Variants in C2CD3 observed in about 807,000 individuals in gnomAD.
C2CD3 encodes the protein C2 domain containing 3 centriole elongation regulator, also known as C2 domain-containing protein 3.
Under a neutral mutation model 234.0 loss-of-function variants are expected in C2CD3, and 148 were observed. That is an observed-to-expected ratio of 0.63 (90% CI 0.55 to 0.72). The LOEUF (loss-of-function observed/expected upper bound fraction) is 0.72, where lower values mean the gene tolerates loss of function less well. C2CD3 is among the 30% of genes least tolerant of loss of function. C2CD3 has a pLI of 0.00. For synonymous variants in C2CD3, 1,000 were observed against 1,035.4 expected, an observed-to-expected ratio of 0.97 and a Z score of 0.66; for missense variants, 2,577 against 2,811.5, an observed-to-expected ratio of 0.92 and a Z score of 1.89.
At chr11:74,028,468 A>G in intron 31 of C2CD3, 70 bp from the exon 32 acceptor site, 1 of 907,696 alleles carries the variant, frequency 1.1e-6, no homozygotes, top group Non-Finnish European at 1.7e-6. Context: ...CAGCATCTCC[A>G]CTGACCATTC....
chr11:74,049,531 C>A lies in C2CD3; in HGVS notation c.5167G>T (p.Val1723Leu). 1 of 1,612,056 alleles carries A rather than the reference C, an allele frequency of 6.2e-7. No individual in the cohort carries two copies. The highest frequency in any genetic ancestry group is 8.5e-7 in the Non-Finnish European group (1 of 1,179,808). The stretch of plus-strand genomic sequence containing the variant: ...AGGTCCACCGAGGCAAAGCCAATCA[C>A]CCTCTCCTCATCTGTAGAGGAAAGA... ...KVWHKGDEER[V>L]IGFASVDLSP... The change falls in exon 27 of 33, where the codon GTG becomes TTG. Residue 1723 changes from valine (V) to leucine (L), a missense_variant. Coordinates refer to ENST00000334126, the MANE Select transcript of C2CD3 (RefSeq NM_001286577.2).
chr11:74,141,776 C>G (rs1281002052), intron 3 of C2CD3, among the ~76,000 whole-genome samples: 7 of 152,028 alleles, frequency 4.6e-5, no homozygotes, highest in Non-Finnish European at 8.8e-5. Context: ...AGGAGGATTG[C>G]TTGAGCCCAG....
In C2CD3 at chr11:74,093,902, C is replaced by G. The variant is rs1437827235; in HGVS notation, c.3258G>C (p.Glu1086Asp). 18 of 1,614,002 alleles carry G rather than the reference C, an allele frequency of 1.1e-5. No homozygotes were observed. The highest frequency in any genetic ancestry group is 1.5e-5 in the Non-Finnish European group (18 of 1,179,970). The change falls in exon 18 of 33, where the codon GAG becomes GAC. Residue 1086 changes from glutamate to aspartate, a missense_variant. Glu to Asp is a conservative substitution (Grantham distance 45). Coordinates refer to ENST00000334126, the MANE Select transcript of C2CD3 (RefSeq NM_001286577.2). Reference protein sequence around the residue: ...EHHHSLLLPAEVPVQRLLLSA... With the variant: ...EHHHSLLLPADVPVQRLLLSA... ...TTAGTAGGAGCCTTTGCACTGGAACCTCAGCTGGCAACAGGAGAGAGTGAT... is the reference window on the plus strand; with the variant it reads ...TTAGTAGGAGCCTTTGCACTGGAACGTCAGCTGGCAACAGGAGAGAGTGAT...
intron 7 of C2CD3, among the ~76,000 whole-genome samples, chr11:74,132,104 A>G (rs1440507643): frequency 1.3e-5 from 2 of 152,170 alleles, no homozygotes; most frequent in Non-Finnish European, 2.9e-5. Flanking sequence ...TAATCCCAGC[A>G]CTTTGGGAGG....
intron 20 of C2CD3, among the ~76,000 whole-genome samples, chr11:74,090,393 A>T (rs1327525629): frequency 6.6e-6 from 1 of 152,188 alleles, no homozygotes; most frequent in Non-Finnish European, 1.5e-5. Flanking sequence ...CGACAAAGCT[A>T]GACTTAAGTG....
intron 32 of C2CD3, among the ~76,000 whole-genome samples, chr11:74,027,217 G>A (rs190863868): frequency 3.3e-5 from 5 of 152,060 alleles, no homozygotes; most frequent in Non-Finnish European, 7.4e-5. Context: ...AGCGATTTTT[G>A]TGACTCAGCC....
chr11:74,106,511 A>G lies in C2CD3; in HGVS notation c.1963-18T>C. The G allele has an allele frequency of 6.2e-7, 1 of 1,611,488 alleles. No individual in the cohort carries two copies. The highest frequency in any genetic ancestry group is 8.5e-7 in the Non-Finnish European group (1 of 1,178,536). ...ACTTCTGGCTGAGAAAGAAGGAAAGAGAACATTTAGATTAATTAAAGAGAA... is the reference window on the plus strand; with the variant it reads ...ACTTCTGGCTGAGAAAGAAGGAAAGGGAACATTTAGATTAATTAAAGAGAA... On this transcript the variant is annotated intron_variant, in intron 12 of 32. Coordinates refer to ENST00000334126, the MANE Select transcript of C2CD3 (RefSeq NM_001286577.2).
intron 3 of C2CD3, among the ~76,000 whole-genome samples, chr11:74,148,391 T>C (rs1174619148): frequency 6.6e-6 from 1 of 151,678 alleles, no homozygotes; most frequent in African/African-American, 2.4e-5. Flanking sequence ...TATATATACA[T>C]AAATATCTTA....
At chr11:74,158,864 G>A (rs907581039) in intron 3 of C2CD3, among the ~76,000 whole-genome samples, 3 of 152,226 alleles carry the variant, frequency 2.0e-5, no homozygotes, top group African/African-American at 4.8e-5. Flanking sequence ...AAATGATGGT[G>A]AGGATGTGGA....
intron 3 of C2CD3, among the ~76,000 whole-genome samples, chr11:74,143,024 C>T (rs1461977933): frequency 1.3e-5 from 2 of 152,174 alleles, no homozygotes; most frequent in South Asian, 4.1e-4. Flanking sequence ...ACTTGCCAGG[C>T]TAAAGGGAGT....
chr11:74,102,225 C>T (rs181363653), intron 14 of C2CD3, among the ~76,000 whole-genome samples: 33 of 152,036 alleles, frequency 2.2e-4, no homozygotes, highest in Admixed American at 2.0e-3. Context: ...TTAGGGCAGA[C>T]AAAAAGAGGA....
At chr11:74,133,342 C>G (rs1468247107) in intron 6 of C2CD3, 83 bp downstream of exon 6, 50 of 1,202,574 alleles carry the variant, frequency 4.2e-5, no homozygotes, top group Middle Eastern at 2.4e-4. Flanking sequence ...TCCAAGATTA[C>G]CTAGTCCATA....
rs1454694023 is a variant in C2CD3, at chr11:74,138,825, G to A, written c.850C>T (p.Leu284=). ...GRAPRKQMSL[L]NSSEFQPQIR... is the part of the protein sequence containing the mutation. ...TGAGGCTGGAATTCAGAACTGTTCA[G>A]AAGGGACATCTGCTTCCGTGGAGCT... Residue 284 remains leucine, a synonymous_variant, in exon 5 of 33, where the codon CTG becomes TTG. Transcript: ENST00000334126. 11 of 1,613,850 alleles carry A rather than the reference G, an allele frequency of 6.8e-6. No homozygotes were observed. Among genetic ancestry groups the A allele is most frequent in the Non-Finnish European group, 9.3e-6 (11 of 1,179,850 alleles).
At chr11:74,046,716 T>G (rs1480752545) in intron 28 of C2CD3, among the ~76,000 whole-genome samples, 1 of 152,182 alleles carries the variant, frequency 6.6e-6, no homozygotes, top group Admixed American at 6.5e-5. Flanking sequence ...CATTTCTTCT[T>G]GTTTTTGAGT....
intron 21 of C2CD3, 193 bp downstream of exon 21, chr11:74,085,425 T>C (rs1446747333): frequency 4.4e-5 from 26 of 587,776 alleles, no homozygotes. Flanking sequence ...ATTTGCTTTA[T>C]TTCTCTCTAC....
chr11:74,047,915 A>G (rs1953465041), intron 28 of C2CD3, among the ~76,000 whole-genome samples: 1 of 152,230 alleles, frequency 6.6e-6, no homozygotes, highest in Non-Finnish European at 1.5e-5. Context: ...TATTTCTCAC[A>G]TAGTTGATGA....
intron 2 of C2CD3, chr11:74,164,094 C>A: frequency 3.0e-6 from 2 of 658,080 alleles, no homozygotes; most frequent in Non-Finnish European, 3.8e-6. Context: ...AATTATAAGT[C>A]CACTACACTA....
rs760078597 is a variant in C2CD3 at position 74,133,660 on chromosome 11, T to C, written c.956-103A>G. The C allele has an allele frequency of 3.0e-5, 36 of 1,206,482 alleles. No individual in the cohort carries two copies. In the Admixed American group the frequency reaches 3.3e-4, roughly 11 times the overall value. 74.7% of individuals were successfully genotyped at this position (1,206,482 alleles called of 1,614,324 possible). On this transcript the variant is annotated intron_variant, in intron 5 of 32. Transcript: ENST00000334126. ...TATCAGAGGACTCACTAGTGTGTAC[T>C]GTAATAGTTTGCTCATCTGCCTTCC...
At chr11:74,158,627 C>T (rs1037618319) in intron 3 of C2CD3, among the ~76,000 whole-genome samples, 3 of 151,772 alleles carry the variant, frequency 2.0e-5, no homozygotes, top group African/African-American at 7.3e-5. Flanking sequence ...GAGGCTGAGG[C>T]AGGAGAATCA....
Sources: gnomAD v4.1 joint callset for allele counts (sites outside exome capture counted in the v4.1 genomes callset) on GRCh38, gnomAD v4.1.1 for gene constraint, MANE v1.5 for transcripts, NCBI Gene and HGNC (gene_info 2026-07-23, HGNC 2026-07-21) for gene names.